The following WDR17 variants were observed in gnomAD, a reference collection of about 807,000 sequenced individuals.
The protein encoded by WDR17 is WD repeat domain 17, also known as WD repeat-containing protein 17.
WDR17 carries 143 observed loss-of-function variants against 161.7 expected under a neutral mutation model. The observed-to-expected ratio is 0.88, with a 90% confidence interval of 0.77 to 1.02. The LOEUF (loss-of-function observed/expected upper bound fraction) is 1.02, where lower values mean the gene tolerates loss of function less well. Among genes scored for constraint, WDR17 ranks in the 50% least tolerant of loss-of-function variants. The pLI, the probability that WDR17 is intolerant of heterozygous loss-of-function variation, is 0.00. For synonymous variants in WDR17, 517 were observed against 515.6 expected, an observed-to-expected ratio of 1.00 and a Z score of -0.04; for missense variants, 1,469 against 1,520.9, an observed-to-expected ratio of 0.97 and a Z score of 0.57.
intron 1 of WDR17, among the ~76,000 whole-genome samples, chr4:176,068,579 G>A (rs1732814828): frequency 6.6e-6 from 1 of 152,126 alleles, no homozygotes; most frequent in South Asian, 2.1e-4. Flanking sequence ...GCCAGCCTGG[G>A]CGACAGAGCA....
rs1050750026 is a variant in WDR17, at chr4:176,168,789, C to G, written c.3102+6C>G. On this transcript the variant is annotated splice_donor_region_variant and intron_variant, in intron 23 of 28. Transcript: ENST00000508596. ...TAAATGACCTTCATGATAAGGTATG[C>G]TGATGATGTTAAATATTCTGGTTTG... 3 of 1,606,660 alleles carry G rather than the reference C, an allele frequency of 1.9e-6. No homozygotes were observed. The highest frequency in any genetic ancestry group is 2.5e-6 in the Non-Finnish European group (3 of 1,177,244).
At chr4:176,106,285 T>TTTATATA (rs1269120118) in intron 1 of WDR17, among the ~76,000 whole-genome samples, 1 of 151,604 alleles carries the variant, frequency 6.6e-6, no homozygotes, top group African/African-American at 2.4e-5. Flanking sequence ...TATATATAAA[T>TTTATATA]TTATATATAA....
chr4:176,167,663 A>C (rs1204502187), intron 22 of WDR17, among the ~76,000 whole-genome samples: 32 of 134,842 alleles, frequency 2.4e-4, no homozygotes, highest in African/African-American at 5.9e-4. Context: ...AAAAAAAAAA[A>C]AAAAAAAAAC....
chr4:176,155,537 T>C (rs1401168755), intron 17 of WDR17, among the ~76,000 whole-genome samples: 1 of 143,534 alleles, frequency 7.0e-6, no homozygotes, highest in South Asian at 2.2e-4. Flanking sequence ...TTTTGTTTAT[T>C]TGTTTGTGTT....
chr4:176,073,713 T>C (rs1034619129), intron 1 of WDR17, among the ~76,000 whole-genome samples: 4 of 149,516 alleles, frequency 2.7e-5, no homozygotes, highest in African/African-American at 9.8e-5. Flanking sequence ...TAGTTTACAG[T>C]CCCACCAACA....
chr4:176,136,700 T>G (rs7670070), intron 8 of WDR17, among the ~76,000 whole-genome samples: 1 of 151,206 alleles, frequency 6.6e-6, no homozygotes. Flanking sequence ...TGTATCTTAG[T>G]GTAGATACCA....
Position 176,179,672 on chromosome 4 carries a change from G to T in WDR17, c.*93G>T. On this transcript the variant is annotated 3_prime_UTR_variant, in exon 29 of 29. Transcript: ENST00000508596. ...AATCTTTGTTGCTCAAGTGCCAGAG[G>T]TTGGGAGAAGGATTGCAGGTTGGGA... is the stretch of plus-strand genomic sequence containing the variant. 3 of 1,290,680 alleles carry T rather than the reference G, an allele frequency of 2.3e-6. No homozygotes were observed. The highest frequency in any genetic ancestry group is 3.0e-6 in the Non-Finnish European group (3 of 993,566). The allele number at this position is 1,290,680 out of a possible 1,614,324, so 80.0% of individuals were successfully genotyped here. A position where few individuals can be genotyped will look rare whatever the true frequency, so the allele number is the denominator to read the frequency against.
chr4:176,122,306 A>C (rs1741726283), intron 4 of WDR17, among the ~76,000 whole-genome samples: 1 of 152,204 alleles, frequency 6.6e-6, no homozygotes, highest in South Asian at 2.1e-4. Flanking sequence ...GCCTCATCTT[A>C]GTTTGATCAT....
chr4:176,159,097 G>A (rs1433083055), intron 18 of WDR17, among the ~76,000 whole-genome samples: 1 of 152,126 alleles, frequency 6.6e-6, no homozygotes. Context: ...AAAAATATCT[G>A]CTACCCCTAC....
intron 4 of WDR17, among the ~76,000 whole-genome samples, chr4:176,121,124 C>T (rs1006771415): frequency 2.0e-5 from 3 of 152,090 alleles, no homozygotes; most frequent in South Asian, 2.1e-4. Context: ...ACCAGGTTTA[C>T]GTGGGGACAG....
At chr4:176,157,682 G>A (rs34826295) in intron 18 of WDR17, among the ~76,000 whole-genome samples, 33,209 of 152,150 alleles carry the variant, frequency 0.22, 3,824 homozygotes, top group South Asian at 0.27. Context: ...GAGTCACTCC[G>A]TGTTAATATT....
Position 176,115,946 on chromosome 4 carries a change from CAA to C in WDR17, c.278_279del (p.Lys93SerfsTer4). 6.2e-7 allele frequency: 1 copy of C among 1,607,758 alleles called. No homozygotes were observed. Among genetic ancestry groups the C allele is most frequent in the Non-Finnish European group, 8.5e-7 (1 of 1,177,056 alleles). On this transcript the variant is annotated frameshift_variant, in exon 3 of 29. Coordinates refer to ENST00000508596, the MANE Select transcript of WDR17 (RefSeq NM_181265.4). LOFTEE classifies it high-confidence loss of function. The part of the protein sequence containing the change: ...NLVIIWNVAE[Q>X]KVIAKLDSTK... ...AGTGATCATTTGGAATGTTGCAGAA[CAA>C]AAAGTCATTGCTAAACTCGACAGTA...
intron 18 of WDR17, among the ~76,000 whole-genome samples, chr4:176,157,340 C>T (rs1748314943): frequency 6.6e-6 from 1 of 152,148 alleles, no homozygotes; most frequent in Non-Finnish European, 1.5e-5. Flanking sequence ...TCAACTGCTT[C>T]TTATAGACAC....
At chr4:176,140,944 A>T (rs1395903738) in intron 10 of WDR17, among the ~76,000 whole-genome samples, 1 of 152,232 alleles carries the variant, frequency 6.6e-6, no homozygotes, top group Non-Finnish European at 1.5e-5. Flanking sequence ...TATTTGACAG[A>T]TATCACTTTC....
intron 12 of WDR17, among the ~76,000 whole-genome samples, 200 bp downstream of exon 12, chr4:176,146,359 G>A (rs879374137): frequency 1.3e-5 from 2 of 151,986 alleles, no homozygotes; most frequent in Admixed American, 6.6e-5. Flanking sequence ...TCAGCCTCCC[G>A]AGTAGCTGGG....
At chr4:176,156,240 T>C in intron 18 of WDR17, 97 bp downstream of exon 18, 1 of 1,152,424 alleles carries the variant, frequency 8.7e-7, no homozygotes, top group East Asian at 2.6e-5. Flanking sequence ...AAATTTCTTA[T>C]TCTTATGTTG....
chr4:176,128,939 T>G, intron 6 of WDR17, 79 bp downstream of exon 6: 9 of 1,301,298 alleles, frequency 6.9e-6, no homozygotes, highest in Non-Finnish European at 9.2e-6. Flanking sequence ...TAGTGAGATA[T>G]CAAATACTAT....
intron 1 of WDR17, among the ~76,000 whole-genome samples, chr4:176,108,171 AC>A (rs1354063740): frequency 6.6e-6 from 1 of 152,062 alleles, no homozygotes; most frequent in Non-Finnish European, 1.5e-5. Flanking sequence ...TTTGAATTGT[AC>A]ACTTAAAAAT....
chr4:176,128,832 T>A lies in WDR17; in HGVS notation c.885T>A (p.His295Gln). 3 of 1,590,314 alleles carry A rather than the reference T, an allele frequency of 1.9e-6. No homozygotes were observed. Among genetic ancestry groups the A allele is most frequent in the Non-Finnish European group, 2.6e-6 (3 of 1,171,082 alleles). ...AGAAAACAGGATTTCACTGCTTACA[T>A]GTACTTAATTCTCCTCCAAGAAAAA... ...KLKKTGFHCL[H>Q]VLNSPPRKKF... The change falls in exon 6 of 29, where the codon CAT becomes CAA. Residue 295 changes from histidine to glutamine, a missense_variant. His to Gln is a conservative substitution (Grantham distance 24). Coordinates refer to ENST00000508596, the MANE Select transcript of WDR17 (RefSeq NM_181265.4).
Sources: allele counts gnomAD v4.1 joint callset (sites outside exome capture counted in the v4.1 genomes callset), GRCh38; gene constraint gnomAD v4.1.1; transcripts MANE v1.5; gene names NCBI Gene and HGNC (gene_info 2026-07-23, HGNC 2026-07-21).